CPS1: variants seen among roughly 807,000 people sequenced by gnomAD.
CPS1 encodes the protein carbamoyl-phosphate synthase 1, also known as carbamoyl-phosphate synthase [ammonia], mitochondrial.
Under a neutral mutation model 174.6 loss-of-function variants are expected in CPS1, and 109 were observed. The observed-to-expected ratio is 0.62, with a 90% CI of 0.53 to 0.73. The LOEUF is 0.73. CPS1 is among the 30% of genes least tolerant of loss of function. The pLI is 0.00. For synonymous variants in CPS1, 637 were observed against 632.0 expected (o/e 1.01, Z -0.12); for missense variants, 1,689 against 1,821.9 (o/e 0.93, Z 1.33).
chr2:210,486,115 T>TACACACACACAC (rs60740361), intron 1 of CPS1, among the ~76,000 whole-genome samples: 20 of 135,674 alleles, frequency 1.5e-4, no homozygotes, highest in East Asian at 1.3e-3. Context: ...CACACACACA[T>TACACACACACAC]ACACACACAC....
intron 30 of CPS1, chr2:210,657,305 A>G (rs909229798): frequency 2.0e-5 from 3 of 150,080 alleles, no homozygotes; most frequent in South Asian, 2.1e-4. Flanking sequence ...TTTAGAACCT[A>G]TCATCTTTTT....
chr2:210,477,841 G>T, intron 1 of CPS1: 1 of 1,481,230 alleles, frequency 6.8e-7, no homozygotes, highest in East Asian at 2.3e-5. Flanking sequence ...GAGAGAAAAG[G>T]AAAACGAGAG....
chr2:210,599,346 G>A, intron 13 of CPS1, 26 bp from the exon 14 acceptor site: 1 of 1,603,550 alleles, frequency 6.2e-7, no homozygotes, highest in East Asian at 2.2e-5. Context: ...ATATATTCAT[G>A]TACTGGATTC....
chr2:210,547,975 G>C (rs558926180), intron 1 of CPS1, among the ~76,000 whole-genome samples: 23 of 152,048 alleles, frequency 1.5e-4, no homozygotes, highest in African/African-American at 5.3e-4. Flanking sequence ...GTGTTAATTA[G>C]TTAATCAAGT....
At chr2:210,495,851 T>A (rs544396867) in intron 1 of CPS1, among the ~76,000 whole-genome samples, 1 of 152,072 alleles carries the variant, frequency 6.6e-6, no homozygotes, top group Admixed American at 6.6e-5. Context: ...TATATGTGAC[T>A]GTGTATGTGT....
rs1699152615 is a variant in CPS1 at position 210,612,202 on chromosome 2, GTC to G, written c.2480_2481del (p.Leu827ProfsTer9). ...CCATCTATAGAAGGTTTCACTCCCC[GTC>G]TCCCAATGAACAAAGAATGGCCATC... On this transcript the variant is annotated frameshift_variant, in exon 20 of 38. Transcript: ENST00000233072. LOFTEE classifies it high-confidence loss of function. 6.2e-7 allele frequency: 1 copy of G among 1,612,086 alleles called. No homozygotes were observed. The highest frequency in any genetic ancestry group is 2.2e-5 in the East Asian group (1 of 44,746).
intron 21 of CPS1, among the ~76,000 whole-genome samples, chr2:210,624,673 A>T (rs1302656820): frequency 6.6e-6 from 1 of 152,058 alleles, no homozygotes; most frequent in Admixed American, 6.6e-5. Flanking sequence ...TTTACATCAA[A>T]TATTTAATGT....
At chr2:210,551,738 CCTCA>C (rs1035579508), upstream of CPS1, among the ~76,000 whole-genome samples, 1 of 151,832 alleles carries the variant, frequency 6.6e-6, no homozygotes, top group African/African-American at 2.4e-5. Context: ...ATAATTTGAT[CCTCA>C]CTTTCTATTC....
At chr2:210,577,224 C>T in intron 3 of CPS1, 197 bp from the exon 4 acceptor site, 1 of 599,714 alleles carries the variant, frequency 1.7e-6, no homozygotes, top group Admixed American at 2.8e-5. Flanking sequence ...AGCCTGCTCC[C>T]TCTCAGGATA....
chr2:210,629,548 C>T (rs1699799943), intron 21 of CPS1, among the ~76,000 whole-genome samples: 2 of 151,464 alleles, frequency 1.3e-5, no homozygotes, highest in African/African-American at 4.8e-5. Flanking sequence ...ATCTCCTGAC[C>T]TCGTGATCCG....
At chr2:210,572,125 C>T (rs1414751396) in intron 1 of CPS1, among the ~76,000 whole-genome samples, 1 of 151,890 alleles carries the variant, frequency 6.6e-6, no homozygotes, top group African/African-American at 2.4e-5. Flanking sequence ...ATATGCCTGT[C>T]TATCCCCCTG....
At chr2:210,551,107 A>G (rs1696718254) in intron 1 of CPS1, among the ~76,000 whole-genome samples, 1 of 151,910 alleles carries the variant, frequency 6.6e-6, no homozygotes, top group South Asian at 2.1e-4. Flanking sequence ...ATATAAATCA[A>G]TCCTCTACAA....
At chr2:210,492,916 A>G (rs1694906784) in intron 1 of CPS1, among the ~76,000 whole-genome samples, 1 of 152,154 alleles carries the variant, frequency 6.6e-6, no homozygotes, top group South Asian at 2.1e-4. Context: ...AACAGAATAT[A>G]GCGGCTGGGC....
At chr2:210,587,945 A>T in intron 6 of CPS1, 113 bp from the exon 7 acceptor site, 1 of 937,326 alleles carries the variant, frequency 1.1e-6, no homozygotes, top group East Asian at 2.4e-5. Context: ...CTAGTAGTTA[A>T]CAATCAATCT....
intron 1 of CPS1, among the ~76,000 whole-genome samples, chr2:210,550,229 T>G (rs958654464): frequency 2.6e-5 from 4 of 152,030 alleles, no homozygotes; most frequent in Admixed American, 2.0e-4. Flanking sequence ...TTTTACTGAT[T>G]TTCACGAAAT....
intron 1 of CPS1, among the ~76,000 whole-genome samples, chr2:210,502,829 T>G (rs1326882430): frequency 6.6e-6 from 1 of 152,188 alleles, no homozygotes; most frequent in Non-Finnish European, 1.5e-5. Flanking sequence ...AAAGGGTAAC[T>G]TGTCCCTCCT....
At chr2:210,536,457 A>G (rs867904516) in intron 1 of CPS1, among the ~76,000 whole-genome samples, 1 of 151,498 alleles carries the variant, frequency 6.6e-6, no homozygotes, top group African/African-American at 2.4e-5. Flanking sequence ...AGTAGCTGGG[A>G]CTACAGGCGC....
intron 9 of CPS1, 105 bp downstream of exon 9, chr2:210,591,011 C>G: frequency 1.9e-6 from 1 of 539,560 alleles, no homozygotes; most frequent in Non-Finnish European, 3.4e-6. Flanking sequence ...TAAATAAATG[C>G]ACATGTACCC....
At chr2:210,543,954 G>A (rs1176493710) in intron 1 of CPS1, among the ~76,000 whole-genome samples, 1 of 152,092 alleles carries the variant, frequency 6.6e-6, no homozygotes, top group African/African-American at 2.4e-5. Flanking sequence ...TGGGACATGA[G>A]AGGTTTAATC....
Sources: gnomAD v4.1 joint callset for allele counts (sites outside exome capture counted in the v4.1 genomes callset) on GRCh38, gnomAD v4.1.1 for gene constraint, MANE v1.5 for transcripts, NCBI Gene and HGNC (gene_info 2026-07-23, HGNC 2026-07-21) for gene names.